NLRP4: variants seen among roughly 807,000 people sequenced by gnomAD.
The protein encoded by NLRP4 is NACHT, LRR and PYD domains-containing protein 4.
Under a neutral mutation model 84.7 loss-of-function variants are expected in NLRP4, and 44 were observed. The ratio of observed to expected loss-of-function variants is 0.52; its 90% CI spans 0.41 to 0.67. NLRP4 has a LOEUF of 0.67. Ranked by LOEUF, NLRP4 falls within the 30% of genes least tolerant of loss-of-function variation. The probability of loss-of-function intolerance (pLI) is 0.00; values close to 1 mark genes in which losing one functional copy is unlikely to be tolerated. For synonymous variants in NLRP4, 544 were observed against 476.4 expected, an observed-to-expected ratio of 1.14 and a Z score of -1.85; for missense variants, 1,260 against 1,219.4, an observed-to-expected ratio of 1.03 and a Z score of -0.50.
intron 1 of NLRP4, among the ~76,000 whole-genome samples, chr19:55,846,239 C>A (rs573777463): frequency 1.3e-5 from 2 of 152,252 alleles, no homozygotes; most frequent in South Asian, 2.1e-4. Flanking sequence ...TTTCTACTTA[C>A]GGCTAGCCAG....
chr19:55,861,568 G>A (rs146774009), intron 4 of NLRP4, 21 bp downstream of exon 4: 59 of 1,609,312 alleles, frequency 3.7e-5, no homozygotes, highest in African/African-American at 6.7e-5. Flanking sequence ...AATCGACTTC[G>A]ACTCGAGTAT....
In NLRP4 at chr19:55,850,030, CG is replaced by C. The variant is rs1433655996; in HGVS notation, c.-65-1985del. On this transcript the variant is annotated intron_variant, in intron 1 of 9. Coordinates refer to ENST00000301295, the MANE Select transcript of NLRP4 (RefSeq NM_134444.5). ...ATTTCCGAGACTGCGGTGTGATTTC[CG>C]AGACTGCGGTGTGATTTCCGTAGCT... Among the ~76,000 whole-genome samples the C allele has an allele frequency of 1.2e-4, 17 of 141,078 alleles. 2 individuals are homozygous for C. Among genetic ancestry groups the C allele is most frequent in the Non-Finnish European group, 1.8e-4 (12 of 66,640 alleles). The allele number at this position is 141,078 out of a possible 152,430, so 92.6% of individuals were successfully genotyped here. A position where few individuals can be genotyped will look rare whatever the true frequency, so the allele number is the denominator to read the frequency against.
At position 55,862,160 on chromosome 19, in the gene NLRP4, G is replaced by A. The variant is rs904945057; in HGVS notation, c.2186+1G>A. On this transcript the variant is annotated splice_donor_variant, in intron 5 of 9. Transcript: ENST00000301295. LOFTEE classifies it high-confidence loss of function. ...CAGCAGGCAACGTCAAAGAGCTAGC[G>A]TAAGTCTCCGTTTATTGAGACCACT... 9 of 1,609,174 alleles carry A rather than the reference G, an allele frequency of 5.6e-6. No individual in the cohort carries two copies. The highest frequency in any genetic ancestry group is 2.2e-5 in the East Asian group (1 of 44,796).
At chr19:55,880,569 A>G (rs996446175) in intron 9 of NLRP4, among the ~76,000 whole-genome samples, 1 of 152,194 alleles carries the variant, frequency 6.6e-6, no homozygotes, top group Admixed American at 6.5e-5. Flanking sequence ...AGCCCCTACC[A>G]TAGATAGTCT....
chr19:55,850,133 G>A (rs866505159), intron 1 of NLRP4, among the ~76,000 whole-genome samples: 55 of 91,068 alleles, frequency 6.0e-4, no homozygotes, highest in East Asian at 1.4e-3. Flanking sequence ...TAATTTCCGT[G>A]GCTGCGGTGT....
chr19:55,860,565 T>C, intron 3 of NLRP4, among the ~76,000 whole-genome samples: 1 of 150,492 alleles, frequency 6.6e-6, no homozygotes, highest in Non-Finnish European at 1.5e-5. Context: ...GCCTGGGCAA[T>C]AGAGCAAGAC....
chr19:55,857,431 A>G, intron 2 of NLRP4: 1 of 517,004 alleles, frequency 1.9e-6, no homozygotes, highest in East Asian at 3.0e-5. Flanking sequence ...TTTGTGAGTC[A>G]TACGGTCTCT....
intron 1 of NLRP4, among the ~76,000 whole-genome samples, chr19:55,849,178 C>T (rs556518421): frequency 1.7e-4 from 26 of 152,246 alleles, no homozygotes; most frequent in Middle Eastern, 3.4e-3. Context: ...ACTTGGAATT[C>T]TTCTTCTTGC....
At chr19:55,867,251 C>CTG (rs1984991948) in intron 5 of NLRP4, among the ~76,000 whole-genome samples, 1 of 145,910 alleles carries the variant, frequency 6.9e-6, no homozygotes, top group South Asian at 2.2e-4. Flanking sequence ...ATGCATATAA[C>CTG]AGATGGTGCG....
chr19:55,867,493 C>A (rs1036442279), intron 5 of NLRP4, among the ~76,000 whole-genome samples: 1 of 149,062 alleles, frequency 6.7e-6, no homozygotes. Flanking sequence ...CCCCAGAGAC[C>A]GTAAGCCAAG....
Position 55,849,993 on chromosome 19 carries a change from GACTGCGGTGTGATTTCCGAGA to G in NLRP4, c.-65-2022_-65-2002del, listed in dbSNP as rs1413692835. 1.9e-3 allele frequency among the ~76,000 whole-genome samples: 23 copies of G among 11,904 alleles called. 3 individuals are homozygous for G. Among genetic ancestry groups the G allele is most frequent in the Non-Finnish European group, 3.1e-3 (13 of 4,188 alleles). 7.8% of individuals were successfully genotyped at this position (11,904 alleles called of 152,430 possible). ...TCCGTAGCTGCGGTGTAATTTCCGAGACTGCGGTGTGATTTCCGAGACTGCGGTGTGATTTCCGAGACTGCG... is the reference window on the plus strand; with the variant it reads ...TCCGTAGCTGCGGTGTAATTTCCGAGCTGCGGTGTGATTTCCGAGACTGCG... On this transcript the variant is annotated intron_variant, in intron 1 of 9. Coordinates refer to ENST00000301295, the MANE Select transcript of NLRP4 (RefSeq NM_134444.5).
chr19:55,852,911 T>C (rs1298631789), intron 2 of NLRP4, among the ~76,000 whole-genome samples: 2 of 152,236 alleles, frequency 1.3e-5, no homozygotes, highest in Non-Finnish European at 2.9e-5. Flanking sequence ...TACCCTAAGC[T>C]GAGAACTTGC....
At position 55,877,000 on chromosome 19, in the gene NLRP4, G is replaced by T. The variant is rs1332667630; in HGVS notation, c.2530G>T (p.Val844Leu). Residue 844 changes from valine to leucine, a missense_variant, in exon 8 of 10, where the codon GTA (valine) becomes TTA (leucine). Physicochemically the swap from Val to Leu is conservative, Grantham distance 32. This residue lies in a region of NLRP4 where 544 missense variants were observed against 531.7 expected (regional missense o/e 1.02). Transcript: ENST00000301295. ...GGTACCCTTACTCCTTTGCAGTTTG[G>T]TAAAATGTTTTATCACTGCTGCTGG... Reference protein sequence around the residue: ...PDCCLDSLCLVKCFITAAGCE... With the variant: ...PDCCLDSLCLLKCFITAAGCE... 4 of 1,613,028 alleles carry T rather than the reference G, an allele frequency of 2.5e-6. No individual in the cohort carries two copies. The East Asian group carries it at 8.9e-5, about 36-fold the overall frequency.
rs565060642 is a variant in NLRP4 at position 55,857,664 on chromosome 19, A to G, written c.281-10A>G. On this transcript the variant is annotated splice_polypyrimidine_tract_variant and intron_variant, in intron 2 of 9. Transcript: ENST00000301295. ...GTGGGTTTTCTCTCCTCTTGCCCTC[A>G]CTGACTCAGGATACACAAAGACCTA... 3.1e-6 allele frequency: 5 copies of G among 1,610,238 alleles called. No individual in the cohort carries two copies. Among genetic ancestry groups the G allele is most frequent in the South Asian group, 1.1e-5 (1 of 90,964 alleles).
At position 55,877,180 on chromosome 19, in the gene NLRP4, A is replaced by G; in HGVS notation, c.2696+14A>G. On this transcript the variant is annotated intron_variant, in intron 8 of 9. Coordinates refer to ENST00000301295, the MANE Select transcript of NLRP4 (RefSeq NM_134444.5). ...AGAGATTCTTGGGTGGGTATCGCCA[A>G]GCTCCTGGTTATGTTTTCATGAGTG... The G allele has an allele frequency of 1.9e-6, 3 of 1,611,616 alleles. No individual in the cohort carries two copies. The highest frequency in any genetic ancestry group is 1.7e-6 in the Non-Finnish European group (2 of 1,178,014).
chr19:55,840,947 G>A (rs2122991612), intron 1 of NLRP4, among the ~76,000 whole-genome samples: 1 of 152,288 alleles, frequency 6.6e-6, no homozygotes, highest in Admixed American at 6.5e-5. Context: ...TGGTGAGTAA[G>A]ATGGGTTATC....
intron 1 of NLRP4, among the ~76,000 whole-genome samples, chr19:55,843,303 C>G (rs953058119): frequency 6.6e-6 from 1 of 152,112 alleles, no homozygotes; most frequent in African/African-American, 2.4e-5. Context: ...TTATGTTTCC[C>G]TATAATGTGT....
chr19:55,878,984 G>T lies in NLRP4; in HGVS notation c.2867+20G>T, dbSNP rs551021448. ...GCTCGGGTGAGCTGGGGTCTGTTGT[G>T]CTCTATGGGCAGAGTGCTCCGGGCT... On this transcript the variant is annotated intron_variant, in intron 9 of 9. Transcript: ENST00000301295. 1 of 1,596,334 alleles carries T rather than the reference G, an allele frequency of 6.3e-7. No individual in the cohort carries two copies. Among genetic ancestry groups the T allele is most frequent in the South Asian group, 1.1e-5 (1 of 89,890 alleles).
chr19:55,855,544 G>T (rs1387698676), intron 2 of NLRP4, among the ~76,000 whole-genome samples: 1 of 152,184 alleles, frequency 6.6e-6, no homozygotes, highest in Admixed American at 6.5e-5. Flanking sequence ...AAGATTGGGG[G>T]AATCCCTTGT....
Sources: gnomAD v4.1 joint callset for allele counts (sites outside exome capture counted in the v4.1 genomes callset) on GRCh38, gnomAD v4.1.1 for gene constraint, gnomAD v4.1.1 regional missense constraint, MANE v1.5 for transcripts, NCBI Gene and HGNC (gene_info 2026-07-23, HGNC 2026-07-21) for gene names.